UBR2: variants seen among roughly 807,000 people sequenced by gnomAD.
UBR2 encodes ubiquitin protein ligase E3 component n-recognin 2, also known as E3 ubiquitin-protein ligase UBR2.
In UBR2, 92 loss-of-function variants were observed where a neutral mutation model predicts 247.9. That is an observed-to-expected ratio of 0.37 (90% confidence interval 0.31 to 0.44). UBR2 has a LOEUF of 0.44. Ranked by LOEUF, UBR2 falls within the 20% of genes least tolerant of loss-of-function variation. UBR2 has a pLI of 1.00. For missense variants in UBR2, 1,613 were observed against 2,112.6 expected, an observed-to-expected ratio of 0.76 and a Z score of 4.64; for synonymous variants, 672 against 693.5, an observed-to-expected ratio of 0.97 and a Z score of 0.49.
chr6:42,650,531 A>C (rs1441532401), intron 23 of UBR2, 145 bp downstream of exon 23: 7 of 607,496 alleles, frequency 1.2e-5, no homozygotes, highest in Non-Finnish European at 2.0e-5. Context: ...TCCTGGGCTC[A>C]AGCAATTCTC....
At chr6:42,566,895 A>G (rs1790812834) in intron 1 of UBR2, among the ~76,000 whole-genome samples, 1 of 152,102 alleles carries the variant, frequency 6.6e-6, no homozygotes, top group East Asian at 1.9e-4. Flanking sequence ...TATAACCTTA[A>G]TCTTGCCTTA....
chr6:42,671,018 T>C (rs948744830), intron 36 of UBR2, among the ~76,000 whole-genome samples: 2 of 152,028 alleles, frequency 1.3e-5, no homozygotes, highest in Non-Finnish European at 2.9e-5. Context: ...AAACCTCGTC[T>C]CTACTAAAAA....
At chr6:42,574,899 A>G (rs1334394272) in intron 2 of UBR2, among the ~76,000 whole-genome samples, 3 of 152,010 alleles carry the variant, frequency 2.0e-5, no homozygotes, top group East Asian at 1.9e-4. Context: ...GGGTTTCACC[A>G]TGTTGGCCAG....
At chr6:42,620,146 T>C in intron 11 of UBR2, 1 of 505,566 alleles carries the variant, frequency 2.0e-6, no homozygotes, top group Non-Finnish European at 2.6e-6. Flanking sequence ...CGTATGAAAG[T>C]GATAGTTGCT....
intron 21 of UBR2, among the ~76,000 whole-genome samples, chr6:42,647,417 TAAAAAAAAAAAAAA>T (rs750938791): frequency 2.9e-5 from 3 of 102,162 alleles, no homozygotes; most frequent in African/African-American, 7.2e-5. Context: ...CCATCGCTAC[TAAAAAAAAAAAAAA>T]AAAAAAAAAA....
chr6:42,655,213 C>T (rs1797366959), intron 25 of UBR2, among the ~76,000 whole-genome samples: 1 of 152,110 alleles, frequency 6.6e-6, no homozygotes, highest in Non-Finnish European at 1.5e-5. Flanking sequence ...CATGGTGGCT[C>T]ACGCCTTTAA....
chr6:42,619,431 ATATATATATATATATATATATATT>A lies in UBR2; in HGVS notation c.1281+1926_1281+1949del, dbSNP rs1437068934. The A allele has an allele frequency of 2.5e-3, 43 of 17,196 alleles. 6 individuals are homozygous for A. The highest frequency in any genetic ancestry group is 4.5e-3 in the African/African-American group (18 of 4,030). The allele number at this position is 17,196 out of a possible 1,614,324, so 1.1% of individuals were successfully genotyped here. ...TATGAACATATATATATATATATAT[ATATATATATATATATATATATATT>A]TTTTTTTTTTAGTTCTCTATCTCTG... On this transcript the variant is annotated intron_variant, in intron 11 of 46. Transcript: ENST00000372901.
intron 1 of UBR2, among the ~76,000 whole-genome samples, chr6:42,572,965 A>G (rs144781026): frequency 3.9e-5 from 6 of 152,268 alleles, no homozygotes; most frequent in African/African-American, 1.4e-4. Context: ...CTGGCCTCCC[A>G]AAGTGCTGGG....
chr6:42,590,455 G>T (rs1792584461), intron 2 of UBR2, among the ~76,000 whole-genome samples: 1 of 152,140 alleles, frequency 6.6e-6, no homozygotes, highest in Non-Finnish European at 1.5e-5. Flanking sequence ...ACATCCACAA[G>T]TATTGTCTAT....
chr6:42,669,290 CTA>C (rs1798299338), intron 34 of UBR2, among the ~76,000 whole-genome samples: 1 of 152,160 alleles, frequency 6.6e-6, no homozygotes, highest in Non-Finnish European at 1.5e-5. Context: ...CCGAAATTTT[CTA>C]TGATATTTCT....
In UBR2 at chr6:42,602,201, T is replaced by G. The variant is rs560048503; in HGVS notation, c.532-1387T>G. 3.3e-5 allele frequency among the ~76,000 whole-genome samples: 5 copies of G among 150,524 alleles called. No homozygotes were observed. In the East Asian group the frequency reaches 9.8e-4, roughly 29 times the overall value. Reference sequence around the variant, plus strand: ...CATGCCTGGCCCTTTTTTTTTTTTCTTCTTTTCTTTTCTTTTTGAGACAGA... The same window carrying G: ...CATGCCTGGCCCTTTTTTTTTTTTCGTCTTTTCTTTTCTTTTTGAGACAGA... On this transcript the variant is annotated intron_variant, in intron 4 of 46. Coordinates refer to ENST00000372901, the MANE Select transcript of UBR2 (RefSeq NM_001363705.2).
At chr6:42,588,841 A>G (rs1027253063) in intron 2 of UBR2, among the ~76,000 whole-genome samples, 1 of 152,084 alleles carries the variant, frequency 6.6e-6, no homozygotes, top group South Asian at 2.1e-4. Context: ...ACACTAAGTC[A>G]CCTCACAAGC....
At chr6:42,634,355 T>A in intron 13 of UBR2, 1 of 277,086 alleles carries the variant, frequency 3.6e-6, no homozygotes, top group South Asian at 3.3e-5. Context: ...TCTGAGCAAG[T>A]ACTATTATGA....
At chr6:42,688,861 A>G (rs1799596165) in intron 45 of UBR2, among the ~76,000 whole-genome samples, 1 of 152,186 alleles carries the variant, frequency 6.6e-6, no homozygotes, top group Non-Finnish European at 1.5e-5. Flanking sequence ...CTTGTTTTGT[A>G]TGAGAGAGAG....
intron 1 of UBR2, among the ~76,000 whole-genome samples, chr6:42,571,888 G>C (rs1007049281): frequency 6.6e-6 from 1 of 151,864 alleles, no homozygotes; most frequent in Non-Finnish European, 1.5e-5. Flanking sequence ...TAGTATGCTT[G>C]TTGAGGACTC....
At chr6:42,666,357 A>C (rs950049929) in intron 34 of UBR2, 112 bp downstream of exon 34, 7 of 823,124 alleles carry the variant, frequency 8.5e-6, no homozygotes, top group Non-Finnish European at 1.1e-5. Flanking sequence ...GTTATAGGAT[A>C]CTGATCTTTA....
intron 32 of UBR2, among the ~76,000 whole-genome samples, chr6:42,665,095 G>A (rs1418867718): frequency 6.6e-6 from 1 of 152,112 alleles, no homozygotes; most frequent in South Asian, 2.1e-4. Flanking sequence ...TCCTTACTAA[G>A]TGCTTGTAAC....
chr6:42,568,969 CAAAT>C (rs1203418226), intron 1 of UBR2, among the ~76,000 whole-genome samples: 2 of 152,124 alleles, frequency 1.3e-5, no homozygotes, highest in East Asian at 3.9e-4. Context: ...TTCACGTTTT[CAAAT>C]TAGGGATGCT....
Position 42,617,479 on chromosome 6 carries a change from C to T in UBR2, c.1253C>T (p.Ser418Leu). Reference sequence around the variant, plus strand: ...AGAGAGTTTTCAGTCGCAGACCTCTCGGTTCAGATATTCACGGTTCCTTCA... The same window carrying T: ...AGAGAGTTTTCAGTCGCAGACCTCTTGGTTCAGATATTCACGGTTCCTTCA... ...HDREFSVADL[S>L]VQIFTVPSLA... The change falls in exon 11 of 47, where the codon TCG becomes TTG. Residue 418 changes from serine (S) to leucine (L), a missense_variant. By Grantham distance (145) the Ser-to-Leu change is moderately radical. This residue lies in a region of UBR2 where 1,524 missense variants were observed against 1,967.3 expected (regional missense o/e 0.77). Coordinates refer to ENST00000372901, the MANE Select transcript of UBR2 (RefSeq NM_001363705.2). 1.9e-6 allele frequency: 3 copies of T among 1,552,824 alleles called. No individual in the cohort carries two copies. Among genetic ancestry groups the T allele is most frequent in the Non-Finnish European group, 2.6e-6 (3 of 1,147,666 alleles).
Sources: allele counts gnomAD v4.1 joint callset (sites outside exome capture counted in the v4.1 genomes callset), GRCh38; gene constraint gnomAD v4.1.1; regional missense constraint gnomAD v4.1.1; transcripts MANE v1.5; gene names NCBI Gene and HGNC (gene_info 2026-07-23, HGNC 2026-07-21).